Variants in PDCD6IP observed in about 807,000 individuals in gnomAD.
PDCD6IP encodes programmed cell death 6-interacting protein.
PDCD6IP carries 43 observed loss-of-function variants against 103.7 expected under a neutral mutation model. The ratio of observed to expected loss-of-function variants is 0.41; its 90% CI spans 0.32 to 0.53. The LOEUF is 0.53. PDCD6IP is among the 20% of genes least tolerant of loss of function. The probability of loss-of-function intolerance (pLI) is 0.16; values close to 1 mark genes in which losing one functional copy is unlikely to be tolerated. For synonymous variants in PDCD6IP, 354 were observed against 378.7 expected (o/e 0.93, Z 0.76); for missense variants, 871 against 1,036.7 (o/e 0.84, Z 2.20).
At chr3:33,850,199 A>G (rs1257994138) in intron 12 of PDCD6IP, among the ~76,000 whole-genome samples, 1 of 152,134 alleles carries the variant, frequency 6.6e-6, no homozygotes, top group Non-Finnish European at 1.5e-5. Flanking sequence ...CTTAGTAGTA[A>G]CCTGTCCTTG....
At chr3:33,823,863 A>G (rs114939285) in intron 4 of PDCD6IP, among the ~76,000 whole-genome samples, 4,476 of 152,276 alleles carry the variant, frequency 0.029, 77 homozygotes, top group African/African-American at 0.052. Context: ...TCAGTTAGTT[A>G]GTATATGAGA....
chr3:33,808,128 A>G (rs1466374362), intron 1 of PDCD6IP, among the ~76,000 whole-genome samples: 1 of 152,226 alleles, frequency 6.6e-6, no homozygotes, highest in East Asian at 1.9e-4. Flanking sequence ...CTTTGCTTTC[A>G]TGGAATTTAG....
intron 16 of PDCD6IP, 62 bp from the exon 17 acceptor site, chr3:33,865,177 TTTAA>T: frequency 1.7e-6 from 2 of 1,163,250 alleles, no homozygotes; most frequent in Non-Finnish European, 2.4e-6. Context: ...CCTTATTAAT[TTTAA>T]TTAATAGCAA....
chr3:33,814,890 A>G (rs1478115748), intron 3 of PDCD6IP, among the ~76,000 whole-genome samples: 1 of 145,982 alleles, frequency 6.9e-6, no homozygotes, highest in African/African-American at 2.5e-5. Flanking sequence ...ATATATATTC[A>G]TGTACACATA....
intron 15 of PDCD6IP, among the ~76,000 whole-genome samples, chr3:33,861,034 A>G (rs576192810): frequency 2.0e-5 from 3 of 151,944 alleles, no homozygotes; most frequent in Admixed American, 6.6e-5. Context: ...TAATTTCAAT[A>G]TTTCATTTAA....
chr3:33,861,408 T>C (rs1485934162), intron 15 of PDCD6IP, among the ~76,000 whole-genome samples: 1 of 152,198 alleles, frequency 6.6e-6, no homozygotes, highest in Non-Finnish European at 1.5e-5. Flanking sequence ...CCCAAAGTGC[T>C]GGGATTACAG....
At chr3:33,822,765 C>T (rs1448021925) in intron 4 of PDCD6IP, among the ~76,000 whole-genome samples, 2 of 152,170 alleles carry the variant, frequency 1.3e-5, no homozygotes, top group Non-Finnish European at 2.9e-5. Flanking sequence ...ACGCCATTCT[C>T]CTGTCTCAGC....
chr3:33,863,943 G>A, intron 15 of PDCD6IP, 63 bp from the exon 16 acceptor site: 1 of 1,051,536 alleles, frequency 9.5e-7, no homozygotes, highest in Non-Finnish European at 1.5e-6. Context: ...AAGAAAAGCT[G>A]ATATTTTATG....
intron 7 of PDCD6IP, chr3:33,835,142 T>G (rs1697318900): frequency 2.2e-6 from 1 of 449,410 alleles, no homozygotes; most frequent in Admixed American, 2.4e-5. Flanking sequence ...TAATACCACC[T>G]AAATTTGTAT....
intron 7 of PDCD6IP, among the ~76,000 whole-genome samples, chr3:33,830,988 C>T (rs9822722): frequency 0.028 from 4,205 of 152,028 alleles, 66 homozygotes; most frequent in African/African-American, 0.046. Flanking sequence ...CCTGTGCAAA[C>T]CAGAAATGAA....
At chr3:33,818,355 A>G (rs1330659736) in intron 3 of PDCD6IP, among the ~76,000 whole-genome samples, 2 of 149,996 alleles carry the variant, frequency 1.3e-5, no homozygotes, top group African/African-American at 4.9e-5. Context: ...AGCTCCGCCC[A>G]CCTTGCCTTC....
intron 12 of PDCD6IP, among the ~76,000 whole-genome samples, chr3:33,851,772 T>C (rs1251703175): frequency 6.6e-6 from 1 of 152,102 alleles, no homozygotes; most frequent in East Asian, 1.9e-4. Flanking sequence ...AAACTCTTAA[T>C]GGTATGAAGA....
rs745381930 is a variant in PDCD6IP, at chr3:33,845,423, A to T, written c.1476A>T (p.Gly492=). The change falls in exon 12 of 18, where the codon GGA becomes GGT. Residue 492 remains glycine (G), a synonymous_variant. Coordinates refer to ENST00000307296, the MANE Select transcript of PDCD6IP (RefSeq NM_013374.6). ...NELYKPLRAE[G]TNFRTVLDKA... is the part of the protein sequence containing the mutation. ...CAAACTTTTATTTTCTCCCAGAGGG[A>T]ACCAACTTCAGAACAGTTTTAGATA... 1 of 1,611,448 alleles carries T rather than the reference A, an allele frequency of 6.2e-7. No homozygotes were observed. The highest frequency in any genetic ancestry group is 1.1e-5 in the South Asian group (1 of 90,682).
At chr3:33,826,718 GTT>G (rs5847793) in intron 6 of PDCD6IP, 138 bp downstream of exon 6, 3,278 of 1,064,762 alleles carry the variant, frequency 3.1e-3, no homozygotes, top group East Asian at 4.3e-3. Flanking sequence ...AGTAGAAATA[GTT>G]TTTTTTTTTT....
chr3:33,804,605 T>G (rs917270421), intron 1 of PDCD6IP, among the ~76,000 whole-genome samples: 1 of 152,244 alleles, frequency 6.6e-6, no homozygotes, highest in Non-Finnish European at 1.5e-5. Flanking sequence ...TTTTCTGTGT[T>G]TTGACTTTTC....
chr3:33,858,809 C>CA (rs1697887744), intron 15 of PDCD6IP, among the ~76,000 whole-genome samples: 2 of 151,972 alleles, frequency 1.3e-5, no homozygotes, highest in South Asian at 4.1e-4. Context: ...GACTCTGTCT[C>CA]AAAAACAAAA....
At chr3:33,826,443 T>G (rs776451946) in intron 5 of PDCD6IP, 37 bp from the exon 6 acceptor site, 15 of 1,405,938 alleles carry the variant, frequency 1.1e-5, no homozygotes, top group Non-Finnish European at 1.5e-5. Flanking sequence ...GATTAGCTCA[T>G]ATTTATTTTA....
intron 8 of PDCD6IP, among the ~76,000 whole-genome samples, chr3:33,837,811 C>T (rs1188711108): frequency 1.3e-5 from 2 of 152,186 alleles, no homozygotes; most frequent in Non-Finnish European, 2.9e-5. Context: ...TGGTCTTGAA[C>T]TCCTGACCTC....
chr3:33,829,749 CTT>C (rs1697206880), intron 7 of PDCD6IP, among the ~76,000 whole-genome samples: 1 of 152,210 alleles, frequency 6.6e-6, no homozygotes, highest in Admixed American at 6.5e-5. Context: ...CTATGGATGT[CTT>C]GGTTCATTTT....
Sources: allele counts gnomAD v4.1 joint callset (sites outside exome capture counted in the v4.1 genomes callset), GRCh38; gene constraint gnomAD v4.1.1; transcripts MANE v1.5; gene names NCBI Gene and HGNC (gene_info 2026-07-23, HGNC 2026-07-21).